NOS1AP: variants seen among roughly 807,000 people sequenced by gnomAD.
The protein encoded by NOS1AP is carboxyl-terminal PDZ ligand of neuronal nitric oxide synthase protein.
NOS1AP carries 21 observed loss-of-function variants against 56.2 expected under a neutral mutation model. The ratio of observed to expected loss-of-function variants is 0.37; its 90% CI spans 0.26 to 0.54. The LOEUF (loss-of-function observed/expected upper bound fraction) is 0.54. Ranked by LOEUF, NOS1AP falls within the 20% of genes least tolerant of loss-of-function variation. The probability of loss-of-function intolerance (pLI) is 0.84; values close to 1 mark genes in which losing one functional copy is unlikely to be tolerated. For synonymous variants in NOS1AP, 270 were observed against 274.6 expected (o/e 0.98, Z 0.17); for missense variants, 522 against 657.8 (o/e 0.79, Z 2.26).
rs114820130 is a variant in NOS1AP, at chr1:162,349,642, C to T, written c.596-5545C>T. The stretch of plus-strand genomic sequence containing the variant: ...AATGCCTAGCATATAATATGCTCTC[C>T]GTAAGTACCCACTGTTTATCGAGTT... On this transcript the variant is annotated intron_variant, in intron 6 of 9. Transcript: ENST00000361897. 4.5e-3 allele frequency among the ~76,000 whole-genome samples: 678 copies of T among 152,280 alleles called. 5 individuals are homozygous for T. Among genetic ancestry groups the T allele is most frequent in the Admixed American group, 7.7e-3 (118 of 15,306 alleles).
intron 4 of NOS1AP, among the ~76,000 whole-genome samples, chr1:162,315,763 T>G (rs1656207641): frequency 6.6e-6 from 1 of 152,208 alleles, no homozygotes; most frequent in Non-Finnish European, 1.5e-5. Context: ...GCCTGTCAAA[T>G]TCTTATTAAT....
At chr1:162,082,136 T>G (rs1006878423) in intron 1 of NOS1AP, among the ~76,000 whole-genome samples, 1 of 152,078 alleles carries the variant, frequency 6.6e-6, no homozygotes, top group African/African-American at 2.4e-5. Context: ...CCCCTCTATG[T>G]GTCCATGTGT....
intron 1 of NOS1AP, among the ~76,000 whole-genome samples, chr1:162,152,274 G>T (rs377411740): frequency 3.3e-5 from 5 of 152,208 alleles, no homozygotes; most frequent in African/African-American, 7.2e-5. Flanking sequence ...CCTGTGATGG[G>T]TGACCTTTCT....
At chr1:162,108,008 T>C (rs1233345735) in intron 1 of NOS1AP, among the ~76,000 whole-genome samples, 2 of 152,200 alleles carry the variant, frequency 1.3e-5, no homozygotes, top group South Asian at 2.1e-4. Context: ...GGACATACAA[T>C]ATGAACTCAA....
chr1:162,261,299 C>T lies in NOS1AP; in HGVS notation c.178-26045C>T, dbSNP rs1230371526. Among the ~76,000 whole-genome samples, 5 of 137,650 alleles carry T rather than the reference C, an allele frequency of 3.6e-5. 1 individual carries two copies. The highest frequency in any genetic ancestry group is 1.4e-4 in the African/African-American group (5 of 35,772). 90.3% of individuals were successfully genotyped at this position (137,650 alleles called of 152,430 possible). On this transcript the variant is annotated intron_variant, in intron 2 of 9. Transcript: ENST00000361897. Reference sequence around the variant, plus strand: ...TACAATATTTTATAACCTTTCATGTCCCCTTGTTCTTAAACAATATCCTGA... The same window carrying T: ...TACAATATTTTATAACCTTTCATGTTCCCTTGTTCTTAAACAATATCCTGA...
At chr1:162,296,937 G>C (rs1655484817) in intron 3 of NOS1AP, among the ~76,000 whole-genome samples, 2 of 152,212 alleles carry the variant, frequency 1.3e-5, no homozygotes, top group African/African-American at 4.8e-5. Context: ...CTCCACTTAG[G>C]ATTTGATATT....
At chr1:162,193,065 A>G (rs1205752257) in intron 2 of NOS1AP, among the ~76,000 whole-genome samples, 1 of 152,144 alleles carries the variant, frequency 6.6e-6, no homozygotes, top group East Asian at 1.9e-4. Flanking sequence ...GCTTTTGCGA[A>G]CACTCAGGAT....
At chr1:162,199,258 G>A (rs1482919209) in intron 2 of NOS1AP, among the ~76,000 whole-genome samples, 1 of 152,182 alleles carries the variant, frequency 6.6e-6, no homozygotes, top group Non-Finnish European at 1.5e-5. Flanking sequence ...ATCTCGCATA[G>A]ATGTTCCTTA....
Position 162,266,757 on chromosome 1 carries a change from G to GAA in NOS1AP, c.178-20586_178-20585dup, listed in dbSNP as rs548502006. Among the ~76,000 whole-genome samples the GAA allele has an allele frequency of 3.9e-5, 6 of 152,266 alleles. No homozygotes were observed. The East Asian group carries it at 1.2e-3, about 29-fold the overall frequency. On this transcript the variant is annotated intron_variant, in intron 2 of 9. Transcript: ENST00000361897. ...CTTTCTGTTATAATTAATCCTTAGA[G>GAA]AAGAACCTATCAAGTATTTAAAATA...
At chr1:162,325,851 G>A (rs946764076) in intron 4 of NOS1AP, among the ~76,000 whole-genome samples, 17 of 151,578 alleles carry the variant, frequency 1.1e-4, no homozygotes, top group African/African-American at 2.4e-4. Flanking sequence ...ATGCCCATGC[G>A]TTCCAGGACC....
At chr1:162,096,823 A>T (rs1571006404) in intron 1 of NOS1AP, among the ~76,000 whole-genome samples, 1 of 152,094 alleles carries the variant, frequency 6.6e-6, no homozygotes, top group Non-Finnish European at 1.5e-5. Flanking sequence ...CAACTTATTT[A>T]TTCTTCTGTT....
intron 2 of NOS1AP, among the ~76,000 whole-genome samples, chr1:162,251,552 A>G (rs1322350072): frequency 6.6e-6 from 1 of 151,958 alleles, no homozygotes; most frequent in Non-Finnish European, 1.5e-5. Context: ...AGGAGACAGG[A>G]GTCAAGCTCC....
At chr1:162,195,479 A>G (rs1410462588) in intron 2 of NOS1AP, among the ~76,000 whole-genome samples, 1 of 152,220 alleles carries the variant, frequency 6.6e-6, no homozygotes, top group Admixed American at 6.5e-5. Flanking sequence ...CACATATGAC[A>G]GGCTCAGTAT....
chr1:162,335,571 C>T (rs982560493), intron 5 of NOS1AP, among the ~76,000 whole-genome samples: 1 of 151,872 alleles, frequency 6.6e-6, no homozygotes, highest in Non-Finnish European at 1.5e-5. Context: ...AAGTGGTGGG[C>T]GGGGGGAAAG....
At chr1:162,214,395 C>G (rs1652477926) in intron 2 of NOS1AP, among the ~76,000 whole-genome samples, 1 of 152,138 alleles carries the variant, frequency 6.6e-6, no homozygotes, top group South Asian at 2.1e-4. Flanking sequence ...AGCAGGCTCA[C>G]AGTCTGGTTG....
chr1:162,148,542 T>C (rs1160898540), intron 1 of NOS1AP, among the ~76,000 whole-genome samples: 1 of 152,190 alleles, frequency 6.6e-6, no homozygotes, highest in East Asian at 1.9e-4. Flanking sequence ...CATGTGTAGA[T>C]GCCCTTGAAT....
At chr1:162,238,049 A>G (rs951940582) in intron 2 of NOS1AP, among the ~76,000 whole-genome samples, 6 of 152,070 alleles carry the variant, frequency 3.9e-5, no homozygotes, top group African/African-American at 9.7e-5. Context: ...AGGATTAATC[A>G]CATTTCATAT....
intron 2 of NOS1AP, among the ~76,000 whole-genome samples, chr1:162,171,491 GT>G (rs1191090442): frequency 6.6e-6 from 1 of 152,128 alleles, no homozygotes. Flanking sequence ...CTTTGGTCCA[GT>G]TCTCAGCCAT....
At chr1:162,350,800 C>G (rs536653910) in intron 6 of NOS1AP, among the ~76,000 whole-genome samples, 1 of 101,802 alleles carries the variant, frequency 9.8e-6, no homozygotes, top group Non-Finnish European at 2.1e-5. Context: ...ATCCTTTGAC[C>G]TACATCTCTC....
Sources: gnomAD v4.1 joint callset for allele counts (sites outside exome capture counted in the v4.1 genomes callset) on GRCh38, gnomAD v4.1.1 for gene constraint, MANE v1.5 for transcripts, NCBI Gene and HGNC (gene_info 2026-07-23, HGNC 2026-07-21) for gene names.